The following ARVCF variants were observed in gnomAD, a reference collection of about 807,000 sequenced individuals.
ARVCF encodes ARVCF delta catenin family member.
A neutral mutation model predicts 90.9 loss-of-function variants in ARVCF; 66 were observed. The ratio of observed to expected loss-of-function variants is 0.73; its 90% CI spans 0.60 to 0.89. The LOEUF is 0.89. Ranked by LOEUF, ARVCF falls within the 40% of genes least tolerant of loss-of-function variation. The pLI, the probability that ARVCF is intolerant of heterozygous loss-of-function variation, is 0.00. For synonymous variants in ARVCF, 653 were observed against 603.4 expected, an observed-to-expected ratio of 1.08 and a Z score of -1.21; for missense variants, 1,469 against 1,382.3, an observed-to-expected ratio of 1.06 and a Z score of -1.00.
rs1432107049 is a variant in ARVCF at position 19,971,232 on chromosome 22, AC to A, written c.2884del (p.Val962SerfsTer25). ...AGAACGTACCAGGCATGCAAGCTAG[AC>A]CCAGGAATCAACGGGCTGAGGCTTA... ...DAKPQPVDSW[V>X] On this transcript the variant is annotated frameshift_variant, in exon 19 of 20. Transcript: ENST00000263207. LOFTEE classifies it high-confidence loss of function. 2 of 1,553,996 alleles carry A rather than the reference AC, an allele frequency of 1.3e-6. No homozygotes were observed. Among genetic ancestry groups the A allele is most frequent in the South Asian group, 2.4e-5 (2 of 84,268 alleles).
rs764185223 is a variant in ARVCF, at chr22:19,990,754, G to C, written c.41C>G (p.Ala14Gly). Residue 14 changes from alanine (A) to glycine (G), a missense_variant, in exon 3 of 20, where the codon GCC becomes GGC. By Grantham distance (60) the Ala-to-Gly change is moderately conservative (BLOSUM62 0). Coordinates refer to ENST00000263207, the MANE Select transcript of ARVCF (RefSeq NM_001670.3). Reference sequence around the variant, plus strand: ...GCGGGCCTCCTGCTCCTTCACCGAGGCCAGGATGCTGGCGGCCGAGTGCAC... The same window carrying C: ...GCGGGCCTCCTGCTCCTTCACCGAGCCCAGGATGCTGGCGGCCGAGTGCAC... ...CNVHSAASIL[A>G]SVKEQEARFE... The C allele has an allele frequency of 1.3e-6, 2 of 1,587,872 alleles. No homozygotes were observed. The highest frequency in any genetic ancestry group is 3.5e-5 in the Admixed American group (2 of 57,604).
chr22:19,965,833 G>A (rs1009754583), downstream of ARVCF, among the ~76,000 whole-genome samples: 6 of 152,066 alleles, frequency 3.9e-5, no homozygotes, highest in African/African-American at 1.4e-4. Context: ...AGGGTGGGAG[G>A]GAGACCTACA....
intron 3 of ARVCF, among the ~76,000 whole-genome samples, chr22:19,983,493 T>C (rs369468559): frequency 4.3e-4 from 65 of 152,264 alleles, no homozygotes; most frequent in African/African-American, 1.5e-3. Context: ...ATGCATGCAG[T>C]GCAGGTGTCC....
intron 3 of ARVCF, among the ~76,000 whole-genome samples, chr22:19,984,976 C>T (rs958913122): frequency 1.3e-5 from 2 of 152,178 alleles, no homozygotes; most frequent in Admixed American, 6.5e-5. Flanking sequence ...TGGGCTGACT[C>T]TCAACAGGAG....
At chr22:19,996,139 G>A (rs1225600995) in intron 2 of ARVCF, among the ~76,000 whole-genome samples, 1 of 152,194 alleles carries the variant, frequency 6.6e-6, no homozygotes, top group African/African-American at 2.4e-5. Context: ...GGGGTTCACA[G>A]GGCGGAGTCC....
At position 19,973,178 on chromosome 22, in the gene ARVCF, G is replaced by A. The variant is rs184898905; in HGVS notation, c.2379C>T (p.Asn793=). 2.5e-5 allele frequency: 41 copies of A among 1,610,770 alleles called. No homozygotes were observed. The highest frequency in any genetic ancestry group is 1.1e-4 in the East Asian group (5 of 44,732). Residue 793 remains asparagine (N), a synonymous_variant, in exon 14 of 20, where the codon AAC becomes AAT. Coordinates refer to ENST00000263207, the MANE Select transcript of ARVCF (RefSeq NM_001670.3). ...IHEIVSDSLD[N]ARSLLQARGV... is the part of the protein sequence containing the mutation. ...CGCGTGCCTGCAGGAGCGAGCGCGCGTTATCCAGGCTGTCGGACACGATTT... is the reference window on the plus strand; with the variant it reads ...CGCGTGCCTGCAGGAGCGAGCGCGCATTATCCAGGCTGTCGGACACGATTT...
chr22:19,971,279 C>G lies in ARVCF; in HGVS notation c.2838G>C (p.Leu946=). The G allele has an allele frequency of 6.4e-7, 1 of 1,557,246 alleles. No homozygotes were observed. ...GCTTAGCGTCCCCTACGGCGTCCAC[C>G]AGCCTGACCGCGGGCCTGCTGGGCC... ...PPGPSRPAVR[L]VDAVGDAKPQ... is the part of the protein sequence containing the mutation. Residue 946 remains leucine (L), a synonymous_variant, in exon 19 of 20, where the codon CTG becomes CTC. Transcript: ENST00000263207.
chr22:19,991,775 A>G (rs1343981852), intron 2 of ARVCF, among the ~76,000 whole-genome samples: 1 of 152,260 alleles, frequency 6.6e-6, no homozygotes, highest in Non-Finnish European at 1.5e-5. Context: ...AAGAAGCAGG[A>G]CAAGTATGCG....
chr22:19,973,980 T>C lies in ARVCF; in HGVS notation c.2088+132A>G, dbSNP rs917657209. The C allele has an allele frequency of 1.1e-4, 163 of 1,496,432 alleles. 1 individual carries two copies. The highest frequency in any genetic ancestry group is 1.4e-4 in the Non-Finnish European group (158 of 1,119,724). 92.7% of individuals were successfully genotyped at this position (1,496,432 alleles called of 1,614,324 possible). A position where few individuals can be genotyped will look rare whatever the true frequency, so the allele number is the denominator to read the frequency against. On this transcript the variant is annotated intron_variant, in intron 12 of 19. Coordinates refer to ENST00000263207, the MANE Select transcript of ARVCF (RefSeq NM_001670.3). ...GGGTGCACGCATTGCCCGCAGCCCA[T>C]ACACCTCTTGGATCCTGGGGTGGTG...
downstream of ARVCF, chr22:19,968,992 A>G (rs1053135372): frequency 9.8e-5 from 38 of 386,722 alleles, no homozygotes; most frequent in African/African-American, 7.6e-4. Context: ...TTTTAAAAAT[A>G]TAAAATAGAA....
intron 2 of ARVCF, among the ~76,000 whole-genome samples, chr22:20,007,006 C>T (rs917769481): frequency 6.6e-6 from 1 of 152,126 alleles, no homozygotes; most frequent in Non-Finnish European, 1.5e-5. Flanking sequence ...GTAATCCCAG[C>T]ACTTTGGGAG....
At chr22:19,970,885 G>A (rs1942724340) in intron 19 of ARVCF, 142 bp from the exon 20 acceptor site, 1 of 1,127,786 alleles carries the variant, frequency 8.9e-7, no homozygotes, top group Non-Finnish European at 1.2e-6. Context: ...GGTGTGGGCT[G>A]ACCCCAAGGG....
intron 6 of ARVCF, chr22:19,979,392 C>T: frequency 1.9e-6 from 1 of 515,758 alleles, no homozygotes; most frequent in East Asian, 3.3e-5. Flanking sequence ...GTGACCCTAC[C>T]TGTCCCTCAG....
chr22:19,981,282 G>T lies in ARVCF; in HGVS notation c.825C>A (p.Gly275=). 1 of 1,579,358 alleles carries T rather than the reference G, an allele frequency of 6.3e-7. No individual in the cohort carries two copies. The highest frequency in any genetic ancestry group is 8.6e-7 in the Non-Finnish European group (1 of 1,164,354). The part of the protein sequence containing the change: ...TRSLAADDEG[G]PELEPDYGTA... ...TGCCATAGTCAGGCTCCAGCTCAGG[G>T]CCACCCTCGTCATCAGCGGCCAGGC... Residue 275 remains glycine (G), a synonymous_variant, in exon 5 of 20, where the codon GGC becomes GGA. Transcript: ENST00000263207.
chr22:19,995,691 G>T (rs961738450), intron 2 of ARVCF, among the ~76,000 whole-genome samples: 9 of 152,162 alleles, frequency 5.9e-5, no homozygotes, highest in African/African-American at 1.9e-4. Flanking sequence ...AGGAATTTCC[G>T]AAGGGTCAGG....
At chr22:20,006,891 A>G (rs1422436321) in intron 2 of ARVCF, among the ~76,000 whole-genome samples, 2 of 151,612 alleles carry the variant, frequency 1.3e-5, no homozygotes, top group Admixed American at 6.6e-5. Context: ...CAGCCTCCCA[A>G]AGTGCTGGGA....
downstream of ARVCF, chr22:19,968,522 C>G (rs373882300): frequency 1.2e-6 from 2 of 1,612,606 alleles, no homozygotes; most frequent in East Asian, 2.2e-5. Context: ...CCCCACCCCC[C>G]GGTCTGTTTG....
chr22:19,970,103 C>T lies in ARVCF; in HGVS notation c.*653G>A, dbSNP rs1367788330. 78 of 985,542 alleles carry T rather than the reference C, an allele frequency of 7.9e-5. No individual in the cohort carries two copies. Among genetic ancestry groups the T allele is most frequent in the Non-Finnish European group, 9.0e-5 (75 of 829,978 alleles). The allele number at this position is 985,542 out of a possible 1,614,324, so 61.0% of individuals were successfully genotyped here. A position where few individuals can be genotyped will look rare whatever the true frequency, so the allele number is the denominator to read the frequency against. ...AGGCTCCAGGCAGATGCGGCAGCCC[C>T]GGCCCCAGCCAGCATGGGCTGGAGA... On this transcript the variant is annotated 3_prime_UTR_variant, in exon 20 of 20. Transcript: ENST00000263207.
intron 2 of ARVCF, among the ~76,000 whole-genome samples, chr22:20,005,401 TACAG>T (rs896967477): frequency 2.0e-5 from 3 of 150,284 alleles, no homozygotes; most frequent in Non-Finnish European, 3.0e-5. Context: ...TTGGCAGAGA[TACAG>T]ACAAATTAAG....
Sources: gnomAD v4.1 joint callset for allele counts (sites outside exome capture counted in the v4.1 genomes callset) on GRCh38, gnomAD v4.1.1 for gene constraint, MANE v1.5 for transcripts, NCBI Gene and HGNC (gene_info 2026-07-23, HGNC 2026-07-21) for gene names.